Variants in MARCHF5 observed in about 807,000 individuals in gnomAD.
The protein encoded by MARCHF5 is E3 ubiquitin-protein ligase MARCHF5.
Under a neutral mutation model 36.5 loss-of-function variants are expected in MARCHF5, and 5 were observed. The observed-to-expected ratio is 0.14, with a 90% CI of 0.07 to 0.29. The LOEUF (loss-of-function observed/expected upper bound fraction) is 0.29. MARCHF5 is among the 10% of genes least tolerant of loss of function. The pLI, the probability that MARCHF5 is intolerant of heterozygous loss-of-function variation, is 1.00. For synonymous variants in MARCHF5, 103 were observed against 109.9 expected, an observed-to-expected ratio of 0.94 and a Z score of 0.39; for missense variants, 179 against 336.3, an observed-to-expected ratio of 0.53 and a Z score of 3.66.
At chr10:92,308,299 A>G (rs1361933112) in intron 1 of MARCHF5, among the ~76,000 whole-genome samples, 2 of 152,088 alleles carry the variant, frequency 1.3e-5, no homozygotes, top group Admixed American at 1.3e-4. Flanking sequence ...TGGCATTTGT[A>G]AACTGTCATG....
intron 2 of MARCHF5, among the ~76,000 whole-genome samples, chr10:92,326,527 G>A (rs970519683): frequency 3.9e-5 from 6 of 152,158 alleles, no homozygotes; most frequent in Non-Finnish European, 8.8e-5. Flanking sequence ...AACTAATAGA[G>A]ATAATGTGAA....
chr10:92,327,096 G>A (rs550633226), intron 2 of MARCHF5, among the ~76,000 whole-genome samples: 92 of 152,176 alleles, frequency 6.0e-4, no homozygotes, highest in Middle Eastern at 3.4e-3. Context: ...AACATCAAGG[G>A]AGAGGGAAGT....
chr10:92,351,302 A>T lies in MARCHF5; in HGVS notation c.*95A>T, dbSNP rs1449380955. 1.3e-6 allele frequency: 1 copy of T among 740,926 alleles called. No homozygotes were observed. Among genetic ancestry groups the T allele is most frequent in the African/African-American group, 1.8e-5 (1 of 55,642 alleles). 45.9% of individuals were successfully genotyped at this position (740,926 alleles called of 1,614,324 possible). ...TAATGCACTTGTGGAGACTTGTGAT[A>T]AGCTGCTGCTCCTATATTTTTTAAG... is the stretch of plus-strand genomic sequence containing the variant. On this transcript the variant is annotated 3_prime_UTR_variant, in exon 6 of 6. Transcript: ENST00000358935.
chr10:92,310,144 A>C (rs1359453700), intron 1 of MARCHF5, among the ~76,000 whole-genome samples: 8 of 152,214 alleles, frequency 5.3e-5, no homozygotes, highest in Admixed American at 1.3e-4. Context: ...CTGAGTATAT[A>C]GTCTTTCCCA....
intron 1 of MARCHF5, among the ~76,000 whole-genome samples, chr10:92,295,142 T>A (rs1261795255): frequency 6.6e-6 from 1 of 152,100 alleles, no homozygotes; most frequent in Non-Finnish European, 1.5e-5. Flanking sequence ...TCTAGGCCCT[T>A]GGTATATAGT....
intron 3 of MARCHF5, among the ~76,000 whole-genome samples, chr10:92,342,583 G>A (rs1298922298): frequency 6.6e-6 from 1 of 152,090 alleles, no homozygotes; most frequent in Non-Finnish European, 1.5e-5. Flanking sequence ...CATCATACCT[G>A]GATGGCTAAA....
chr10:92,332,068 T>G (rs1348151004), intron 2 of MARCHF5, among the ~76,000 whole-genome samples: 5 of 149,922 alleles, frequency 3.3e-5, no homozygotes, highest in Non-Finnish European at 7.4e-5. Context: ...GTCCTTTTTT[T>G]TTTCTTTTTT....
At chr10:92,337,885 A>G (rs1393888668) in intron 2 of MARCHF5, among the ~76,000 whole-genome samples, 1 of 151,838 alleles carries the variant, frequency 6.6e-6, no homozygotes, top group African/African-American at 2.4e-5. Context: ...TGATTAAAAA[A>G]TTACCAGGCC....
At chr10:92,296,555 C>G (rs1842950526) in intron 1 of MARCHF5, among the ~76,000 whole-genome samples, 3 of 152,146 alleles carry the variant, frequency 2.0e-5, no homozygotes, top group Non-Finnish European at 4.4e-5. Flanking sequence ...TAACAAACTG[C>G]AGGAATGGAC....
At chr10:92,334,006 A>G (rs1246167843) in intron 2 of MARCHF5, among the ~76,000 whole-genome samples, 1 of 152,144 alleles carries the variant, frequency 6.6e-6, no homozygotes, top group Non-Finnish European at 1.5e-5. Context: ...CCTGGGTGAC[A>G]TGGCAAAACC....
Position 92,352,049 on chromosome 10 carries a change from T to C in MARCHF5, c.*842T>C, listed in dbSNP as rs953500066. ...TTATAGTAGTTTGAGCAGAGGATGA[T>C]TTGCAAAAATAAAAATAAAGTTATT... On this transcript the variant is annotated 3_prime_UTR_variant, in exon 6 of 6. Coordinates refer to ENST00000358935, the MANE Select transcript of MARCHF5 (RefSeq NM_017824.5). 4.6e-5 allele frequency: 7 copies of C among 152,506 alleles called. No individual in the cohort carries two copies. Among genetic ancestry groups the C allele is most frequent in the African/African-American group, 1.7e-4 (7 of 41,398 alleles). The allele number at this position is 152,506 out of a possible 1,614,324, so 9.4% of individuals were successfully genotyped here.
intron 2 of MARCHF5, among the ~76,000 whole-genome samples, chr10:92,313,508 G>A (rs1237298035): frequency 6.6e-6 from 1 of 152,030 alleles, no homozygotes; most frequent in Non-Finnish European, 1.5e-5. Flanking sequence ...GGGAGGCTGA[G>A]GCAGGAGAAT....
At chr10:92,336,636 G>A in intron 2 of MARCHF5, among the ~76,000 whole-genome samples, 1 of 152,064 alleles carries the variant, frequency 6.6e-6, no homozygotes, top group East Asian at 1.9e-4. Flanking sequence ...GCTTCATTGA[G>A]GTCAAGAAGA....
chr10:92,313,105 G>C (rs973483532), intron 2 of MARCHF5, among the ~76,000 whole-genome samples: 2 of 152,064 alleles, frequency 1.3e-5, no homozygotes, highest in African/African-American at 4.8e-5. Flanking sequence ...ATGGTGGCGT[G>C]TGCCTGTAGT....
At chr10:92,325,619 T>G (rs1843347586) in intron 2 of MARCHF5, among the ~76,000 whole-genome samples, 1 of 152,180 alleles carries the variant, frequency 6.6e-6, no homozygotes, top group Non-Finnish European at 1.5e-5. Context: ...CTCTCTTATA[T>G]CTCATTAAGA....
intron 2 of MARCHF5, among the ~76,000 whole-genome samples, chr10:92,327,706 C>G (rs906222959): frequency 2.0e-5 from 3 of 152,260 alleles, no homozygotes; most frequent in Non-Finnish European, 4.4e-5. Context: ...ATATCTGCTG[C>G]CTTAGCATTG....
intron 1 of MARCHF5, among the ~76,000 whole-genome samples, chr10:92,303,844 G>A (rs1313449149): frequency 2.6e-5 from 4 of 152,102 alleles, no homozygotes; most frequent in South Asian, 4.1e-4. Context: ...ATAGTCCTTA[G>A]ATTTGTCTAG....
chr10:92,324,383 A>G (rs757279200), intron 2 of MARCHF5, among the ~76,000 whole-genome samples: 1 of 151,918 alleles, frequency 6.6e-6, no homozygotes, highest in Non-Finnish European at 1.5e-5. Context: ...TATTTATGAG[A>G]CGGAGTCTCA....
intron 5 of MARCHF5, 136 bp downstream of exon 5, chr10:92,349,973 A>G (rs1843698052): frequency 1.5e-6 from 1 of 661,978 alleles, no homozygotes; most frequent in East Asian, 2.7e-5. Flanking sequence ...CCTCACTATC[A>G]TTCAATAGCT....
Sources: gnomAD v4.1 joint callset for allele counts (sites outside exome capture counted in the v4.1 genomes callset) on GRCh38, gnomAD v4.1.1 for gene constraint, MANE v1.5 for transcripts, NCBI Gene and HGNC (gene_info 2026-07-23, HGNC 2026-07-21) for gene names.